The following DAB1 variants were observed in gnomAD, a reference collection of about 807,000 sequenced individuals.
DAB1 encodes DAB adaptor protein 1, also known as disabled homolog 1.
In DAB1, 15 loss-of-function variants were observed where a neutral mutation model predicts 64.6. The ratio of observed to expected loss-of-function variants is 0.23; its 90% CI spans 0.16 to 0.36. DAB1 has a LOEUF of 0.36. DAB1 is among the 10% of genes least tolerant of loss of function. The probability of loss-of-function intolerance (pLI) is 1.00; values close to 1 mark genes in which losing one functional copy is unlikely to be tolerated. For missense variants in DAB1, 596 were observed against 706.7 expected (o/e 0.84, Z 1.78); for synonymous variants, 235 against 251.9 (o/e 0.93, Z 0.64).
chr1:57,439,622 G>T (rs1315773896), intron 7 of DAB1, among the ~76,000 whole-genome samples: 2 of 119,734 alleles, frequency 1.7e-5, no homozygotes, highest in East Asian at 2.7e-4. Context: ...TAGAGACGGG[G>T]TTCACCATGT....
At chr1:57,887,360 C>CATTA (rs149751009), upstream of DAB1, among the ~76,000 whole-genome samples, 5 of 97,678 alleles carry the variant, frequency 5.1e-5, no homozygotes, top group East Asian at 1.2e-3. Flanking sequence ...GCCAGGTACT[C>CATTA]ACTGTCTATT....
intron 7 of DAB1, among the ~76,000 whole-genome samples, chr1:57,470,511 G>C (rs1445517667): frequency 6.6e-6 from 1 of 152,126 alleles, no homozygotes; most frequent in Non-Finnish European, 1.5e-5. Context: ...CTAAGTCTAA[G>C]GCTTAATGGT....
chr1:58,103,830 A>G (rs1410534362), intron 5 of DAB1, among the ~76,000 whole-genome samples: 1 of 151,998 alleles, frequency 6.6e-6, no homozygotes, highest in African/African-American at 2.4e-5. Context: ...CTTTTTGTCC[A>G]TTCCTCCAAT....
intron 4 of DAB1, among the ~76,000 whole-genome samples, chr1:58,269,211 G>A (rs1661252293): frequency 7.0e-6 from 1 of 142,410 alleles, no homozygotes; most frequent in African/African-American, 2.6e-5. Context: ...TCCCCTTCCT[G>A]TGTCCATGTG....
chr1:57,662,036 C>A (rs1223758612), intron 6 of DAB1, among the ~76,000 whole-genome samples: 4 of 152,016 alleles, frequency 2.6e-5, no homozygotes, highest in Non-Finnish European at 4.4e-5. Flanking sequence ...TTGCCATAGC[C>A]CAGGAACTAA....
At chr1:58,071,363 G>GGTGTGTGTGTATGT (rs1649237399) in intron 5 of DAB1, among the ~76,000 whole-genome samples, 1 of 135,666 alleles carries the variant, frequency 7.4e-6, no homozygotes, top group East Asian at 2.3e-4. Flanking sequence ...AAAGGAGAAT[G>GGTGTGTGTGTATGT]GTGTGTGTGT....
chr1:57,395,369 G>A (rs1194469336), intron 1 of DAB1, among the ~76,000 whole-genome samples: 1 of 152,090 alleles, frequency 6.6e-6, no homozygotes, highest in Non-Finnish European at 1.5e-5. Flanking sequence ...GGCACCCGGG[G>A]AGACCACTCA....
intron 5 of DAB1, among the ~76,000 whole-genome samples, chr1:58,012,323 G>A (rs1401294004): frequency 6.6e-6 from 1 of 152,004 alleles, no homozygotes; most frequent in African/African-American, 2.4e-5. Context: ...GAGTCAGGAG[G>A]CTCTACTCCA....
intron 2 of DAB1, among the ~76,000 whole-genome samples, chr1:57,242,177 C>G (rs17115445): frequency 6.6e-6 from 1 of 152,086 alleles, no homozygotes; most frequent in Non-Finnish European, 1.5e-5. Context: ...GCATATTTTA[C>G]AAGCCAACTC....
At chr1:57,258,662 G>A (rs969554837) in intron 2 of DAB1, among the ~76,000 whole-genome samples, 2 of 152,164 alleles carry the variant, frequency 1.3e-5, no homozygotes, top group Non-Finnish European at 2.9e-5. Context: ...CCATCTGCTA[G>A]CCCAATTACG....
At chr1:57,945,338 C>T (rs1188654110) in intron 5 of DAB1, among the ~76,000 whole-genome samples, 1 of 152,116 alleles carries the variant, frequency 6.6e-6, no homozygotes, top group Non-Finnish European at 1.5e-5. Flanking sequence ...TAGCTCACTG[C>T]AGCCTCGAAT....
At chr1:58,249,499 T>A (rs1244612712) in intron 4 of DAB1, among the ~76,000 whole-genome samples, 1 of 151,978 alleles carries the variant, frequency 6.6e-6, no homozygotes, top group African/African-American at 2.4e-5. Flanking sequence ...AAAGCATGCG[T>A]CCGGATGGCG....
chr1:58,492,443 C>T (rs896611815), intron 3 of DAB1, among the ~76,000 whole-genome samples: 10 of 151,946 alleles, frequency 6.6e-5, no homozygotes, highest in African/African-American at 2.4e-4. Context: ...AATAGAGACA[C>T]AAAAAACCCT....
upstream of DAB1, among the ~76,000 whole-genome samples, chr1:57,428,458 T>C (rs1297724055): frequency 6.6e-6 from 1 of 152,214 alleles, no homozygotes; most frequent in Non-Finnish European, 1.5e-5. Flanking sequence ...AAATGTCCCC[T>C]AGGTTCATTC....
chr1:58,107,550 A>C (rs925210865), intron 5 of DAB1, among the ~76,000 whole-genome samples: 3 of 151,906 alleles, frequency 2.0e-5, no homozygotes, highest in Non-Finnish European at 4.4e-5. Flanking sequence ...ACAGCCAGAA[A>C]GAAACCTGAA....
At chr1:57,623,060 G>T (rs1181780447) in intron 7 of DAB1, among the ~76,000 whole-genome samples, 2 of 152,190 alleles carry the variant, frequency 1.3e-5, no homozygotes, top group Non-Finnish European at 2.9e-5. Flanking sequence ...AATGATCATT[G>T]CTGCTTTTTT....
At chr1:58,511,322 C>A (rs1455035334) in intron 2 of DAB1, among the ~76,000 whole-genome samples, 1 of 152,068 alleles carries the variant, frequency 6.6e-6, no homozygotes, top group Non-Finnish European at 1.5e-5. Flanking sequence ...TAAGCCCACA[C>A]AAATACAGAT....
chr1:57,253,376 T>C (rs997427881), intron 2 of DAB1, among the ~76,000 whole-genome samples: 1 of 152,140 alleles, frequency 6.6e-6, no homozygotes, highest in African/African-American at 2.4e-5. Flanking sequence ...ACAAAAGATA[T>C]ATTTTTATCT....
At chr1:58,502,162 A>G (rs570589803) in intron 3 of DAB1, among the ~76,000 whole-genome samples, 128 of 152,362 alleles carry the variant, frequency 8.4e-4, no homozygotes, top group African/African-American at 2.9e-3. Context: ...AAGGGATCCA[A>G]TAAGAAATAA....
Sources: allele counts gnomAD v4.1 joint callset (sites outside exome capture counted in the v4.1 genomes callset), GRCh38; gene constraint gnomAD v4.1.1; transcripts MANE v1.5; gene names NCBI Gene and HGNC (gene_info 2026-07-23, HGNC 2026-07-21).